Variants in FAR1 observed in about 807,000 individuals in gnomAD.
FAR1 encodes the protein fatty acyl-CoA reductase 1, also known as male sterility domain-containing protein 2.
A neutral mutation model predicts 61.1 loss-of-function variants in FAR1; 22 were observed. That is an observed-to-expected ratio of 0.36 (90% CI 0.26 to 0.51). The LOEUF (loss-of-function observed/expected upper bound fraction) is 0.51. FAR1 is among the 20% of genes least tolerant of loss of function. The probability of loss-of-function intolerance (pLI) is 0.95; values close to 1 mark genes in which losing one functional copy is unlikely to be tolerated. For synonymous variants in FAR1, 206 were observed against 209.7 expected, an observed-to-expected ratio of 0.98 and a Z score of 0.15; for missense variants, 359 against 626.9, an observed-to-expected ratio of 0.57 and a Z score of 4.56.
intron 1 of FAR1, among the ~76,000 whole-genome samples, chr11:13,680,290 A>G (rs983192848): frequency 6.6e-6 from 1 of 152,062 alleles, no homozygotes; most frequent in African/African-American, 2.4e-5. Context: ...ATAGGTTCTC[A>G]CCCTGTTGCA....
chr11:13,704,260 G>A (rs1484082360), intron 3 of FAR1, among the ~76,000 whole-genome samples: 3 of 152,064 alleles, frequency 2.0e-5, no homozygotes, highest in Non-Finnish European at 4.4e-5. Context: ...GCTGAAGGGA[G>A]AGATGGATGG....
In FAR1 at chr11:13,685,200, TC is replaced by T. The variant is rs571514547; in HGVS notation, c.-7-9556del. Among the ~76,000 whole-genome samples, 24 of 152,314 alleles carry T rather than the reference TC, an allele frequency of 1.6e-4. No homozygotes were observed. The South Asian group carries it at 3.7e-3, about 24-fold the overall frequency. On this transcript the variant is annotated intron_variant, in intron 1 of 11. Coordinates refer to ENST00000354817, the MANE Select transcript of FAR1 (RefSeq NM_032228.6). The stretch of plus-strand genomic sequence containing the variant: ...TTCTAAGGTTGACAGTAGACTTTTC[TC>T]CCTCTTGTTTTGGCTGCCTCTGGAA...
In FAR1 at chr11:13,693,342, G is replaced by A. The variant is rs991592632; in HGVS notation, c.-7-1417G>A. 1.3e-4 allele frequency among the ~76,000 whole-genome samples: 20 copies of A among 152,068 alleles called. No individual in the cohort carries two copies. In the South Asian group the frequency reaches 3.1e-3, roughly 24 times the overall value. ...TGAGGACTTAAAATGTATTCTGAGC[G>A]CTATAAATGCTTTTTTCTTTTGTTT... On this transcript the variant is annotated intron_variant, in intron 1 of 11. Transcript: ENST00000354817.
chr11:13,683,949 AATG>A (rs1330821350), intron 1 of FAR1, among the ~76,000 whole-genome samples: 2 of 152,230 alleles, frequency 1.3e-5, no homozygotes, highest in African/African-American at 4.8e-5. Flanking sequence ...TTGTACAATA[AATG>A]ATGATACAGA....
chr11:13,690,198 A>G (rs1025095068), intron 1 of FAR1, among the ~76,000 whole-genome samples: 9 of 151,846 alleles, frequency 5.9e-5, no homozygotes, highest in Non-Finnish European at 1.0e-4. Flanking sequence ...TGTAATGCCC[A>G]TTTGTATACT....
At chr11:13,696,665 T>C (rs1483172171) in intron 2 of FAR1, among the ~76,000 whole-genome samples, 2 of 152,164 alleles carry the variant, frequency 1.3e-5, no homozygotes, top group East Asian at 3.8e-4. Context: ...CTCCATAAAA[T>C]TATGTAATTT....
intron 1 of FAR1, among the ~76,000 whole-genome samples, chr11:13,686,811 C>G (rs1848191583): frequency 6.6e-6 from 1 of 152,162 alleles, no homozygotes; most frequent in Non-Finnish European, 1.5e-5. Flanking sequence ...GATTAGCCTT[C>G]CATTAATATT....
chr11:13,728,510 G>A, intron 11 of FAR1, 102 bp from the exon 12 acceptor site: 1 of 1,041,810 alleles, frequency 9.6e-7, no homozygotes, highest in Non-Finnish European at 1.4e-6. Context: ...AAATTAATAT[G>A]GATTTGAGCT....
chr11:13,672,408 G>T (rs546217225), intron 1 of FAR1, among the ~76,000 whole-genome samples: 1 of 149,620 alleles, frequency 6.7e-6, no homozygotes, highest in East Asian at 1.9e-4. Context: ...AAAAAAATTA[G>T]TTGGGCAAGG....
At chr11:13,708,447 G>GCGCGCGCACACACA (rs139902063) in intron 4 of FAR1, among the ~76,000 whole-genome samples, 18 of 136,726 alleles carry the variant, frequency 1.3e-4, no homozygotes, top group South Asian at 2.4e-4. Context: ...GCGCGCGCGC[G>GCGCGCGCACACACA]CACACACACA....
intron 1 of FAR1, among the ~76,000 whole-genome samples, chr11:13,693,976 C>T (rs1011777246): frequency 6.6e-6 from 1 of 152,202 alleles, no homozygotes; most frequent in African/African-American, 2.4e-5. Context: ...CACTCCCTCT[C>T]ATGCATCTAT....
intron 9 of FAR1, among the ~76,000 whole-genome samples, chr11:13,716,482 C>T (rs1000091819): frequency 1.3e-5 from 2 of 152,124 alleles, no homozygotes; most frequent in Admixed American, 6.5e-5. Context: ...TGAAAGAGGC[C>T]GGTGGGCAGA....
At chr11:13,705,750 T>G (rs1848425413) in intron 3 of FAR1, among the ~76,000 whole-genome samples, 1 of 152,194 alleles carries the variant, frequency 6.6e-6, no homozygotes, top group Non-Finnish European at 1.5e-5. Context: ...TAGTGTGTTT[T>G]CATAGGGTCT....
In FAR1 at chr11:13,700,507, TTATA is replaced by T; in HGVS notation, c.365+18_365+21del. 7.2e-7 allele frequency: 1 copy of T among 1,397,174 alleles called. No individual in the cohort carries two copies. The highest frequency in any genetic ancestry group is 9.6e-7 in the Non-Finnish European group (1 of 1,044,340). 86.5% of individuals were successfully genotyped at this position (1,397,174 alleles called of 1,614,324 possible). On this transcript the variant is annotated intron_variant, in intron 3 of 11. Coordinates refer to ENST00000354817, the MANE Select transcript of FAR1 (RefSeq NM_032228.6). ...GAAAATTTAAGGTAAGTACAAGTAATTATATAATATTTGAACTTCAGTATAGTTA... is the reference window on the plus strand; with the variant it reads ...GAAAATTTAAGGTAAGTACAAGTAATTAATATTTGAACTTCAGTATAGTTA...
chr11:13,714,393 G>A, intron 8 of FAR1, 116 bp from the exon 9 acceptor site: 1 of 1,038,414 alleles, frequency 9.6e-7, no homozygotes, highest in South Asian at 1.7e-5. Flanking sequence ...TTTTTTAAAT[G>A]TACGAACTCT....
At chr11:13,699,222 T>TA (rs1264577672) in intron 2 of FAR1, among the ~76,000 whole-genome samples, 1 of 152,216 alleles carries the variant, frequency 6.6e-6, no homozygotes, top group Non-Finnish European at 1.5e-5. Flanking sequence ...CCGTAACACT[T>TA]ACCTGTTATT....
intron 1 of FAR1, chr11:13,669,361 G>T (rs1847968552): frequency 6.6e-6 from 1 of 152,596 alleles, no homozygotes; most frequent in Admixed American, 6.5e-5. Flanking sequence ...AGGGGGGACG[G>T]GCTTGGGTTT....
At chr11:13,689,387 G>A (rs1037722456) in intron 1 of FAR1, among the ~76,000 whole-genome samples, 1 of 151,992 alleles carries the variant, frequency 6.6e-6, no homozygotes, top group Non-Finnish European at 1.5e-5. Context: ...TATATAAATG[G>A]CATCATATAG....
chr11:13,685,454 A>C (rs2134173264), intron 1 of FAR1: 1 of 214,478 alleles, frequency 4.7e-6, no homozygotes, highest in Non-Finnish European at 1.0e-5. Context: ...CATGGTTGTG[A>C]TCTTGACATA....
Sources: allele counts gnomAD v4.1 joint callset (sites outside exome capture counted in the v4.1 genomes callset), GRCh38; gene constraint gnomAD v4.1.1; transcripts MANE v1.5; gene names NCBI Gene and HGNC (gene_info 2026-07-23, HGNC 2026-07-21).